The following FCHO2 variants were observed in gnomAD, a reference collection of about 807,000 sequenced individuals.
FCHO2 encodes the protein F-BAR domain only protein 2.
A neutral mutation model predicts 114.1 loss-of-function variants in FCHO2; 43 were observed. That is an observed-to-expected ratio of 0.38 (90% CI 0.30 to 0.49). The LOEUF is 0.49. Among genes scored for constraint, FCHO2 ranks in the 20% least tolerant of loss-of-function variants. FCHO2 has a pLI of 0.97. For missense variants in FCHO2, 807 were observed against 950.4 expected (o/e 0.85, Z 1.98); for synonymous variants, 293 against 315.2 (o/e 0.93, Z 0.75).
At chr5:73,040,274 C>G (rs952563697) in intron 10 of FCHO2, among the ~76,000 whole-genome samples, 1 of 152,072 alleles carries the variant, frequency 6.6e-6, no homozygotes, top group African/African-American at 2.4e-5. Context: ...GTTGAGTATT[C>G]CTAAACCGAA....
chr5:73,062,674 A>C (rs1265506518), intron 17 of FCHO2, among the ~76,000 whole-genome samples: 1 of 151,930 alleles, frequency 6.6e-6, no homozygotes, highest in Non-Finnish European at 1.5e-5. Context: ...TGCATCTTTT[A>C]TCTCTTATTA....
chr5:73,014,875 G>A (rs1188200705), intron 6 of FCHO2, among the ~76,000 whole-genome samples: 3 of 151,734 alleles, frequency 2.0e-5, no homozygotes, highest in Non-Finnish European at 4.4e-5. Flanking sequence ...TCAGGAGATC[G>A]AGACTTTCCT....
chr5:73,031,546 C>T (rs1045575189), intron 8 of FCHO2, among the ~76,000 whole-genome samples: 1 of 152,098 alleles, frequency 6.6e-6, no homozygotes, highest in Non-Finnish European at 1.5e-5. Context: ...CAAAGATTAC[C>T]GTTCAGTAAG....
intron 1 of FCHO2, among the ~76,000 whole-genome samples, chr5:72,966,269 A>G (rs186884669): frequency 8.5e-5 from 13 of 152,296 alleles, no homozygotes; most frequent in African/African-American, 2.9e-4. Flanking sequence ...TTTAGTGTCT[A>G]ATTTACTGTT....
intron 2 of FCHO2, among the ~76,000 whole-genome samples, chr5:72,972,438 T>G (rs1049384947): frequency 2.0e-5 from 3 of 152,228 alleles, no homozygotes; most frequent in African/African-American, 7.2e-5. Flanking sequence ...GTTGGATTCC[T>G]AGGTATCTTA....
chr5:73,034,442 A>T (rs1756391245), intron 8 of FCHO2: 1 of 442,426 alleles, frequency 2.3e-6, no homozygotes, highest in Non-Finnish European at 4.0e-6. Context: ...ATAATGGGCT[A>T]GTCTTGTTAT....
chr5:72,984,490 G>C (rs1753398462), intron 2 of FCHO2, among the ~76,000 whole-genome samples: 2 of 152,084 alleles, frequency 1.3e-5, no homozygotes, highest in South Asian at 4.1e-4. Context: ...AGAATTTTCT[G>C]GTAAAGCCCT....
At chr5:72,997,345 G>A in intron 5 of FCHO2, 2 of 1,585,574 alleles carry the variant, frequency 1.3e-6, no homozygotes, top group Admixed American at 1.7e-5. Context: ...CAGATAAACT[G>A]GACAATAGCA....
At chr5:72,989,238 A>G (rs1023900641) in intron 2 of FCHO2, among the ~76,000 whole-genome samples, 189 bp from the exon 3 acceptor site, 1 of 152,218 alleles carries the variant, frequency 6.6e-6, no homozygotes, top group African/African-American at 2.4e-5. Context: ...GATATAAATT[A>G]TTTTAGTTCT....
At chr5:73,043,830 G>A (rs868751602) in intron 11 of FCHO2, among the ~76,000 whole-genome samples, 1 of 152,188 alleles carries the variant, frequency 6.6e-6, no homozygotes, top group Non-Finnish European at 1.5e-5. Flanking sequence ...AAGAATTACA[G>A]TGATCAGTAG....
intron 2 of FCHO2, among the ~76,000 whole-genome samples, chr5:72,969,436 T>G (rs1387361159): frequency 6.6e-6 from 1 of 152,196 alleles, no homozygotes. Flanking sequence ...TCCTCTCTAC[T>G]GGAATCAACA....
intron 6 of FCHO2, among the ~76,000 whole-genome samples, chr5:73,013,670 C>G (rs576951943): frequency 4.6e-5 from 7 of 152,146 alleles, no homozygotes; most frequent in African/African-American, 1.4e-4. Context: ...TTTCTCAGAC[C>G]TTCTTTTTTT....
In FCHO2 at chr5:73,052,291, G is replaced by A. The variant is rs753194924; in HGVS notation, c.998-41G>A. The A allele has an allele frequency of 4.2e-5, 64 of 1,537,156 alleles. 1 individual carries two copies. The South Asian group carries it at 5.7e-4, about 14-fold the overall frequency. ...TAAATGTGTGAAAAACTGGTTATAC[G>A]TCTAAGGTAATTTAAAAACAATTCT... On this transcript the variant is annotated intron_variant, in intron 12 of 25. Transcript: ENST00000430046.
rs1742836064 is a variant in FCHO2 at position 73,074,868 on chromosome 5, T to C, written c.1691+15T>C. On this transcript the variant is annotated intron_variant, in intron 20 of 25. Transcript: ENST00000430046. ...GATCCCACCAAGTTAGTTTTTAAAA[T>C]ATATGCATGTATGTGTATGTATGTG... 2.5e-6 allele frequency: 4 copies of C among 1,593,582 alleles called. No homozygotes were observed. The highest frequency in any genetic ancestry group is 3.4e-6 in the Non-Finnish European group (4 of 1,166,006).
intron 1 of FCHO2, among the ~76,000 whole-genome samples, chr5:72,962,129 G>C (rs1026335389): frequency 6.6e-6 from 1 of 152,118 alleles, no homozygotes; most frequent in Non-Finnish European, 1.5e-5. Context: ...GAGGCCCTTA[G>C]AATTTTTTAA....
chr5:73,054,370 G>GT (rs1216561167), intron 14 of FCHO2, among the ~76,000 whole-genome samples, 155 bp from the exon 15 acceptor site: 4 of 152,006 alleles, frequency 2.6e-5, no homozygotes, highest in Non-Finnish European at 4.4e-5. Context: ...AAAAACTACT[G>GT]TTTTTTCTCT....
chr5:73,005,610 A>G (rs1754675619), intron 5 of FCHO2, among the ~76,000 whole-genome samples: 1 of 152,096 alleles, frequency 6.6e-6, no homozygotes, highest in African/African-American at 2.4e-5. Context: ...ATCCAAGTTG[A>G]TCAGGCCTTT....
At chr5:72,967,993 C>T (rs1443095002) in intron 1 of FCHO2, among the ~76,000 whole-genome samples, 1 of 151,474 alleles carries the variant, frequency 6.6e-6, no homozygotes, top group South Asian at 2.1e-4. Flanking sequence ...GGCACAATCC[C>T]GGCTCACTGC....
In FCHO2 at chr5:72,979,378, C is replaced by CTTTTTTTTTTT. The variant is rs60234739; in HGVS notation, c.126-10028_126-10018dup. Among the ~76,000 whole-genome samples, 4 of 49,792 alleles carry CTTTTTTTTTTT rather than the reference C, an allele frequency of 8.0e-5. 1 individual carries two copies. The highest frequency in any genetic ancestry group is 7.8e-4 in the Admixed American group (2 of 2,554). 32.7% of individuals were successfully genotyped at this position (49,792 alleles called of 152,430 possible). ...TATGTGTCCAGGAATTTATCAATTT[C>CTTTTTTTTTTT]TTTTTTTTTTTTTTTTTTTTTTTTT... On this transcript the variant is annotated intron_variant, in intron 2 of 25. Transcript: ENST00000430046.
Sources: gnomAD v4.1 joint callset for allele counts (sites outside exome capture counted in the v4.1 genomes callset) on GRCh38, gnomAD v4.1.1 for gene constraint, MANE v1.5 for transcripts, NCBI Gene and HGNC (gene_info 2026-07-23, HGNC 2026-07-21) for gene names.